INVS: variants seen among roughly 807,000 people sequenced by gnomAD.
The protein encoded by INVS is inversin, also known as inversion of embryo turning homolog.
In INVS, 86 loss-of-function variants were observed where a neutral mutation model predicts 108.8. The ratio of observed to expected loss-of-function variants is 0.79; its 90% CI spans 0.66 to 0.95. The LOEUF (loss-of-function observed/expected upper bound fraction) is 0.95, where lower values mean the gene tolerates loss of function less well. INVS is among the 40% of genes least tolerant of loss of function. INVS has a pLI of 0.00. For missense variants in INVS, 1,169 were observed against 1,297.4 expected (o/e 0.90, Z 1.52); for synonymous variants, 455 against 473.5 (o/e 0.96, Z 0.51).
chr9:100,291,462 G>A (rs1833612850), intron 13 of INVS, among the ~76,000 whole-genome samples: 1 of 148,068 alleles, frequency 6.8e-6, no homozygotes, highest in Non-Finnish European at 1.5e-5. Context: ...CTAACGTTTT[G>A]AGAGATCTGA....
intron 3 of INVS, among the ~76,000 whole-genome samples, chr9:100,173,188 T>C (rs1240352414): frequency 6.6e-6 from 1 of 152,176 alleles, no homozygotes; most frequent in African/African-American, 2.4e-5. Flanking sequence ...GTAGATAACA[T>C]TTATAAACTC....
chr9:100,100,963 AT>A (rs1826946904), intron 1 of INVS, among the ~76,000 whole-genome samples: 2 of 41,792 alleles, frequency 4.8e-5, no homozygotes, highest in African/African-American at 1.1e-4. Context: ...TATTATATAT[AT>A]AATATATATT....
chr9:100,168,725 G>A (rs1388077907), intron 3 of INVS, among the ~76,000 whole-genome samples: 3 of 152,176 alleles, frequency 2.0e-5, no homozygotes. Context: ...AAAGGCATGT[G>A]AAAGCCCTTT....
intron 12 of INVS, among the ~76,000 whole-genome samples, chr9:100,279,060 C>G (rs146989694): frequency 6.6e-6 from 1 of 152,270 alleles, no homozygotes; most frequent in African/African-American, 2.4e-5. Context: ...CAGGTAAATA[C>G]CGTTTCTTGC....
intron 10 of INVS, among the ~76,000 whole-genome samples, chr9:100,257,253 A>G (rs1338017720): frequency 6.6e-6 from 1 of 151,616 alleles, no homozygotes; most frequent in South Asian, 2.1e-4. Context: ...TTTGTTTTCC[A>G]TTTGCTTGGC....
chr9:100,118,087 A>G (rs1259354750), intron 2 of INVS, among the ~76,000 whole-genome samples: 2 of 142,524 alleles, frequency 1.4e-5, no homozygotes, highest in African/African-American at 2.6e-5. Flanking sequence ...TTTTTTTTAG[A>G]TATGGGGTCT....
At chr9:100,299,671 C>T (rs1353176685) in intron 16 of INVS, among the ~76,000 whole-genome samples, 1 of 86,536 alleles carries the variant, frequency 1.2e-5, no homozygotes, top group Non-Finnish European at 2.1e-5. Context: ...CACACACACA[C>T]ACACACACAC....
chr9:100,293,656 G>A (rs2787375), intron 14 of INVS, among the ~76,000 whole-genome samples: 51,501 of 151,994 alleles, frequency 0.34, 9,320 homozygotes, highest in Non-Finnish European at 0.42. Flanking sequence ...ACTGGGAGTG[G>A]GGGTGAAGGC....
At position 100,302,145 on chromosome 9, in the gene INVS, G is replaced by GAT. The variant is rs1564198742; in HGVS notation, c.*1473_*1474dup. ...TACATCAGTCTTTTTCTTCAAATAA[G>GAT]ATAGATGTGAATAAACAACTTCAAA... On this transcript the variant is annotated 3_prime_UTR_variant, in exon 17 of 17. Transcript: ENST00000262457. The GAT allele has an allele frequency of 1.7e-6, 2 of 1,153,126 alleles. No individual in the cohort carries two copies. The highest frequency in any genetic ancestry group is 2.5e-6 in the Non-Finnish European group (2 of 813,686). 71.4% of individuals were successfully genotyped at this position (1,153,126 alleles called of 1,614,324 possible). A position where few individuals can be genotyped will look rare whatever the true frequency, so the allele number is the denominator to read the frequency against.
At chr9:100,195,441 C>T (rs1176809050) in intron 3 of INVS, among the ~76,000 whole-genome samples, 1 of 152,184 alleles carries the variant, frequency 6.6e-6, no homozygotes, top group South Asian at 2.1e-4. Context: ...CTCAGCCTCT[C>T]GAGTAGCTGG....
At position 100,213,120 on chromosome 9, in the gene INVS, C is replaced by T. The variant is rs546448848; in HGVS notation, c.274-12942C>T. Among the ~76,000 whole-genome samples, 6 of 150,970 alleles carry T rather than the reference C, an allele frequency of 4.0e-5. No homozygotes were observed. In the South Asian group the frequency reaches 1.3e-3, roughly 32 times the overall value. On this transcript the variant is annotated intron_variant, in intron 3 of 16. Transcript: ENST00000262457. ...GGGTACTAATCCCATTTATGAGCTCCACCCTCGTGATGTAATCATCTTCCA... is the reference window on the plus strand; with the variant it reads ...GGGTACTAATCCCATTTATGAGCTCTACCCTCGTGATGTAATCATCTTCCA...
chr9:100,278,177 GCTACATCACA>G (rs1038884332), intron 12 of INVS, among the ~76,000 whole-genome samples: 7 of 135,296 alleles, frequency 5.2e-5, no homozygotes, highest in Admixed American at 2.6e-4. Context: ...GCTGCAGTGA[GCTACATCACA>G]CTATTGCACT....
At chr9:100,129,639 TA>T in intron 3 of INVS, 1 of 646,152 alleles carries the variant, frequency 1.5e-6, no homozygotes, top group Non-Finnish European at 2.9e-6. Flanking sequence ...AAAAAATCTG[TA>T]AAAACTGAAT....
chr9:100,245,994 A>G (rs1185071530), intron 7 of INVS, among the ~76,000 whole-genome samples: 1 of 151,962 alleles, frequency 6.6e-6, no homozygotes, highest in African/African-American at 2.4e-5. Flanking sequence ...GTAAAACCCC[A>G]TCTCTACTAA....
At chr9:100,142,951 A>G (rs928747953) in intron 3 of INVS, among the ~76,000 whole-genome samples, 3 of 152,172 alleles carry the variant, frequency 2.0e-5, no homozygotes, top group Non-Finnish European at 4.4e-5. Context: ...TTAGCCGGAG[A>G]CGATAATCAG....
At chr9:100,263,512 C>A (rs1261120230) in intron 10 of INVS, among the ~76,000 whole-genome samples, 1 of 152,196 alleles carries the variant, frequency 6.6e-6, no homozygotes, top group Non-Finnish European at 1.5e-5. Context: ...TATCACTTAT[C>A]TGTATAATTC....
At chr9:100,260,211 CAA>C (rs1832575292) in intron 10 of INVS, among the ~76,000 whole-genome samples, 1 of 90,148 alleles carries the variant, frequency 1.1e-5, no homozygotes, top group South Asian at 3.7e-4. Flanking sequence ...TTTTTTGAGA[CAA>C]GAGTCTCATT....
At chr9:100,253,790 T>A (rs1372842711) in intron 10 of INVS, among the ~76,000 whole-genome samples, 5 of 152,220 alleles carry the variant, frequency 3.3e-5, no homozygotes, top group African/African-American at 1.2e-4. Context: ...GTATATGTGC[T>A]GTATTTTCTT....
intron 2 of INVS, among the ~76,000 whole-genome samples, chr9:100,110,553 A>C (rs1469801100): frequency 1.3e-5 from 2 of 152,226 alleles, no homozygotes; most frequent in Non-Finnish European, 2.9e-5. Context: ...ATGATTATCT[A>C]GATGGGATTT....
Sources: gnomAD v4.1 joint callset for allele counts (sites outside exome capture counted in the v4.1 genomes callset) on GRCh38, gnomAD v4.1.1 for gene constraint, MANE v1.5 for transcripts, NCBI Gene and HGNC (gene_info 2026-07-23, HGNC 2026-07-21) for gene names.